The following CADPS variants were observed in gnomAD, a reference collection of about 807,000 sequenced individuals.
CADPS encodes the protein calcium dependent secretion activator.
In CADPS, 57 loss-of-function variants were observed where a neutral mutation model predicts 167.3. That is an observed-to-expected ratio of 0.34 (90% confidence interval 0.28 to 0.42). CADPS has a LOEUF of 0.42. Ranked by LOEUF, CADPS falls within the 20% of genes least tolerant of loss-of-function variation. The pLI is 1.00. For missense variants in CADPS, 1,414 were observed against 1,738.1 expected, an observed-to-expected ratio of 0.81 and a Z score of 3.32; for synonymous variants, 676 against 635.3, an observed-to-expected ratio of 1.06 and a Z score of -0.96.
At chr3:62,646,709 T>A (rs553730714) in intron 5 of CADPS, among the ~76,000 whole-genome samples, 2 of 152,236 alleles carry the variant, frequency 1.3e-5, no homozygotes, top group African/African-American at 4.8e-5. Context: ...CAACCCGTTG[T>A]TGCCTTGTCT....
chr3:62,658,437 T>G (rs1038027159), intron 4 of CADPS, among the ~76,000 whole-genome samples: 1 of 152,058 alleles, frequency 6.6e-6, no homozygotes, highest in Non-Finnish European at 1.5e-5. Context: ...TGGGAATATA[T>G]TTTGCAATGA....
intron 6 of CADPS, among the ~76,000 whole-genome samples, chr3:62,595,878 C>A (rs2058837532): frequency 6.6e-6 from 1 of 152,022 alleles, no homozygotes; most frequent in African/African-American, 2.4e-5. Flanking sequence ...GGCAGAAAAA[C>A]GTGAAGAGGA....
At chr3:62,760,801 T>C (rs558769750) in intron 2 of CADPS, among the ~76,000 whole-genome samples, 1 of 152,286 alleles carries the variant, frequency 6.6e-6, no homozygotes, top group Admixed American at 6.5e-5. Flanking sequence ...ATAAAAAAAG[T>C]TCAACCATAA....
At chr3:62,711,726 T>C (rs918990625) in intron 3 of CADPS, among the ~76,000 whole-genome samples, 1 of 152,230 alleles carries the variant, frequency 6.6e-6, no homozygotes, top group Admixed American at 6.5e-5. Context: ...TTGGTTATGA[T>C]CTGATCTTTT....
intron 6 of CADPS, among the ~76,000 whole-genome samples, chr3:62,641,160 C>A (rs1336640529): frequency 6.6e-6 from 1 of 152,214 alleles, no homozygotes; most frequent in East Asian, 1.9e-4. Context: ...AACAGCACCA[C>A]CAGCCATGAA....
chr3:62,736,077 T>C (rs1339140437), intron 3 of CADPS, among the ~76,000 whole-genome samples: 1 of 152,156 alleles, frequency 6.6e-6, no homozygotes, highest in Non-Finnish European at 1.5e-5. Flanking sequence ...ACTGCAAAGA[T>C]TCACATGTGG....
chr3:62,525,837 A>G (rs1349225964), intron 13 of CADPS, among the ~76,000 whole-genome samples: 1 of 152,122 alleles, frequency 6.6e-6, no homozygotes, highest in Non-Finnish European at 1.5e-5. Flanking sequence ...AAAAGGAACC[A>G]TTATGTGACA....
rs1186828365 is a variant in CADPS, at chr3:62,602,128, A to AT, written c.1326-9381dup. Among the ~76,000 whole-genome samples the AT allele has an allele frequency of 2.0e-5, 3 of 152,192 alleles. No homozygotes were observed. The highest frequency in any genetic ancestry group is 6.5e-5 in the Admixed American group (1 of 15,280). ...CCACATAGGGAATATACCTCCCAAA[A>AT]TGACAGTAAACATCCACTGCAAACC... On this transcript the variant is annotated intron_variant, in intron 6 of 29. Transcript: ENST00000383710. The surrounding 1 kb of genome is among the most constrained non-coding windows in gnomAD (Gnocchi z 4.4).
intron 13 of CADPS, among the ~76,000 whole-genome samples, chr3:62,522,838 C>A (rs2071041445): frequency 6.6e-6 from 1 of 152,126 alleles, no homozygotes; most frequent in Non-Finnish European, 1.5e-5. Flanking sequence ...AAACTTGAGA[C>A]AATATGCAGG....
chr3:62,657,414 G>T (rs780177432), intron 4 of CADPS, among the ~76,000 whole-genome samples: 1 of 151,964 alleles, frequency 6.6e-6, no homozygotes, highest in Non-Finnish European at 1.5e-5. Flanking sequence ...ACTAAAATTC[G>T]GCCAAAAGAA....
chr3:62,415,960 G>A lies in CADPS; in HGVS notation c.3778-12775C>T, dbSNP rs566329578. Among the ~76,000 whole-genome samples, 5 of 152,200 alleles carry A rather than the reference G, an allele frequency of 3.3e-5. No homozygotes were observed. In the East Asian group the frequency reaches 9.7e-4, roughly 29 times the overall value. ...GGAGGCTGCAACCTCCTGTTTCAGT[G>A]AAAGCTATTTTTCTTTTTCCCTCGT... On this transcript the variant is annotated intron_variant, in intron 28 of 29. Coordinates refer to ENST00000383710, the MANE Select transcript of CADPS (RefSeq NM_003716.4).
chr3:62,607,593 T>A (rs919760118), intron 6 of CADPS, among the ~76,000 whole-genome samples: 2 of 152,206 alleles, frequency 1.3e-5, no homozygotes, highest in Admixed American at 1.3e-4. Flanking sequence ...TTAGGGGTGC[T>A]CAGGGATAGC....
At chr3:62,722,811 TG>T (rs1031767660) in intron 3 of CADPS, among the ~76,000 whole-genome samples, 2 of 152,088 alleles carry the variant, frequency 1.3e-5, no homozygotes, top group Non-Finnish European at 2.9e-5. Context: ...TTGTTTTTTG[TG>T]GGGGTGTGTC....
intron 2 of CADPS, among the ~76,000 whole-genome samples, chr3:62,762,382 T>C (rs1050208323): frequency 6.6e-6 from 1 of 152,084 alleles, no homozygotes; most frequent in African/African-American, 2.4e-5. Flanking sequence ...GAAGGCCAGG[T>C]GTGGTGGCTC....
chr3:62,597,497 G>T (rs961673775), intron 6 of CADPS, among the ~76,000 whole-genome samples: 1 of 152,200 alleles, frequency 6.6e-6, no homozygotes, highest in African/African-American at 2.4e-5. Flanking sequence ...CTTGAGCCCA[G>T]TGTCCTGGAG....
intron 1 of CADPS, among the ~76,000 whole-genome samples, chr3:62,836,430 C>T (rs1451770535): frequency 2.6e-5 from 4 of 152,176 alleles, no homozygotes; most frequent in Non-Finnish European, 4.4e-5. Context: ...GAGAAAAATA[C>T]GCACTAGATG....
At chr3:62,522,249 A>G (rs2070841478) in intron 13 of CADPS, among the ~76,000 whole-genome samples, 1 of 152,100 alleles carries the variant, frequency 6.6e-6, no homozygotes, top group African/African-American at 2.4e-5. Context: ...CGATCCTCCT[A>G]CTGCAGCCTC....
chr3:62,513,006 G>A (rs1170581472), intron 16 of CADPS, among the ~76,000 whole-genome samples: 3 of 152,092 alleles, frequency 2.0e-5, no homozygotes, highest in East Asian at 1.9e-4. Context: ...AGTTTAATGT[G>A]AAATCAAGCT....
At chr3:62,587,611 G>T (rs1232638929) in intron 7 of CADPS, among the ~76,000 whole-genome samples, 1 of 152,198 alleles carries the variant, frequency 6.6e-6, no homozygotes, top group Non-Finnish European at 1.5e-5. Context: ...TGCCTGTTTG[G>T]CAAAATCACA....
Sources: allele counts gnomAD v4.1 joint callset (sites outside exome capture counted in the v4.1 genomes callset), GRCh38; gene constraint gnomAD v4.1.1; non-coding constraint Gnocchi (gnomAD v3.1); transcripts MANE v1.5; gene names NCBI Gene and HGNC (gene_info 2026-07-23, HGNC 2026-07-21).